POLRMT: variants seen among roughly 807,000 people sequenced by gnomAD.
POLRMT encodes the protein RNA polymerase mitochondrial.
POLRMT carries 114 observed loss-of-function variants against 132.2 expected under a neutral mutation model. The ratio of observed to expected loss-of-function variants is 0.86; its 90% CI spans 0.74 to 1.01. The LOEUF is 1.01. Ranked by LOEUF, POLRMT falls within the 50% of genes least tolerant of loss-of-function variation. The pLI is 0.00. For synonymous variants in POLRMT, 1,020 were observed against 773.4 expected, an observed-to-expected ratio of 1.32 and a Z score of -5.29; for missense variants, 2,003 against 1,729.1, an observed-to-expected ratio of 1.16 and a Z score of -2.81.
rs550610933 is a variant in POLRMT, at chr19:621,514, C to G, written c.2184G>C (p.Gln728His). ...CGGAGGGCGGGGCCGGCACGCCTAG[C>G]TGGGGGCAGCCCTTGGCCTGGAAGA... ...LQLFQAKGCP[Q>H]LGVPAPPSEA... Residue 728 changes from glutamine to histidine, a missense_variant, in exon 10 of 21, where the codon CAG (glutamine) becomes CAC (histidine). Gln to His is a conservative substitution (Grantham distance 24, BLOSUM62 0). Transcript: ENST00000588649. The G allele has an allele frequency of 6.5e-6, 9 of 1,386,882 alleles. No homozygotes were observed. In the African/African-American group the frequency reaches 9.2e-5, roughly 14 times the overall value. The allele number at this position is 1,386,882 out of a possible 1,614,324, so 85.9% of individuals were successfully genotyped here.
Position 621,444 on chromosome 19 carries a change from G to T in POLRMT, c.2254C>A (p.Pro752Thr), listed in dbSNP as rs762790779. ...PEAHLPHSAA[P>T]ARKAELRREL... ...CGGCGCAGCTCGGCCTTGCGGGCGG[G>T]CGCGGCGCTGTGCGGCAGGTGGGCC... is the stretch of plus-strand genomic sequence containing the variant. The change falls in exon 10 of 21, where the codon CCC becomes ACC. Residue 752 changes from proline to threonine, a missense_variant. Transcript: ENST00000588649. 94 of 1,413,772 alleles carry T rather than the reference G, an allele frequency of 6.6e-5. No homozygotes were observed. The highest frequency in any genetic ancestry group is 7.9e-5 in the Non-Finnish European group (86 of 1,090,834). 87.6% of individuals were successfully genotyped at this position (1,413,772 alleles called of 1,614,324 possible).
chr19:630,690 C>A (rs1985349794), intron 2 of POLRMT, among the ~76,000 whole-genome samples: 1 of 152,176 alleles, frequency 6.6e-6, no homozygotes, highest in Admixed American at 6.5e-5. Context: ...AAGACCCCCC[C>A]AGCTGGTGGA....
chr19:618,944 G>A lies in POLRMT; in HGVS notation c.3267+53C>T, dbSNP rs540521585. 729 of 1,436,780 alleles carry A rather than the reference G, an allele frequency of 5.1e-4. 1 individual carries two copies. Among genetic ancestry groups the A allele is most frequent in the African/African-American group, 2.2e-3 (157 of 70,578 alleles). The allele number at this position is 1,436,780 out of a possible 1,614,324, so 89.0% of individuals were successfully genotyped here. On this transcript the variant is annotated intron_variant, in intron 15 of 20. Coordinates refer to ENST00000588649, the MANE Select transcript of POLRMT (RefSeq NM_005035.4). ...CGCTGGGGCACTGGTACACTGGGAC[G>A]CTGTTACACTGGGATGGTGGCACAC...
intron 2 of POLRMT, among the ~76,000 whole-genome samples, chr19:630,742 G>C: frequency 6.6e-6 from 1 of 152,200 alleles, no homozygotes; most frequent in East Asian, 1.9e-4. Context: ...GTCTACACCG[G>C]TGGACGCTGA....
intron 5 of POLRMT, 131 bp downstream of exon 5, chr19:624,588 G>C (rs1011637168): frequency 9.6e-7 from 1 of 1,036,336 alleles, no homozygotes; most frequent in South Asian, 1.7e-5. Flanking sequence ...AGAGGAGGAA[G>C]GGAGGAATTC....
chr19:626,898 C>T lies in POLRMT; in HGVS notation c.823-1644G>A, dbSNP rs746117. Among the ~76,000 whole-genome samples the T allele has an allele frequency of 8.0e-4, 117 of 146,728 alleles. 2 individuals carry two copies. Among genetic ancestry groups the T allele is most frequent in the Non-Finnish European group, 1.2e-3 (80 of 66,904 alleles). On this transcript the variant is annotated intron_variant, in intron 3 of 20. Coordinates refer to ENST00000588649, the MANE Select transcript of POLRMT (RefSeq NM_005035.4). ...CTGTCTTAAAATATACACACACACA[C>T]ATATATATATATATATAAAATAACA... is the stretch of plus-strand genomic sequence containing the variant.
At position 632,890 on chromosome 19, in the gene POLRMT, G is replaced by A. The variant is rs1222459643; in HGVS notation, c.137C>T (p.Pro46Leu). The stretch of plus-strand genomic sequence containing the variant: ...CCTGCGGTCTTGGTCTTGCTCCTGG[G>A]GGCTGGCGGACGAGCTCCTCCTGGG... ...CGPRRSSSASPQEQDQDRRKD... is the reference protein window; with the variant it reads ...CGPRRSSSASLQEQDQDRRKD... The change falls in exon 2 of 21, where the codon CCC becomes CTC. Residue 46 changes from proline to leucine, a missense_variant. Coordinates refer to ENST00000588649, the MANE Select transcript of POLRMT (RefSeq NM_005035.4). The A allele has an allele frequency of 1.9e-6, 3 of 1,546,608 alleles. No homozygotes were observed. In the Admixed American group the frequency reaches 5.7e-5, roughly 29 times the overall value.
rs1342769085 is a variant in POLRMT, at chr19:618,778, C to T, written c.3268-18G>A. On this transcript the variant is annotated intron_variant, in intron 15 of 20. Transcript: ENST00000588649. ...CCTATTTGCTAAAAAGGGGAAGGGG[C>T]CGGTGAGTCCCACCCGAGGCCCAGC... The T allele has an allele frequency of 6.3e-7, 1 of 1,583,114 alleles. No homozygotes were observed. The highest frequency in any genetic ancestry group is 1.8e-5 in the Admixed American group (1 of 55,820).
Position 629,611 on chromosome 19 carries a change from C to T in POLRMT, c.751G>A (p.Gly251Ser), listed in dbSNP as rs761922502. 3 of 1,606,454 alleles carry T rather than the reference C, an allele frequency of 1.9e-6. No homozygotes were observed. The highest frequency in any genetic ancestry group is 2.5e-6 in the Non-Finnish European group (3 of 1,177,676). The change falls in exon 3 of 21, where the codon GGC becomes AGC. Residue 251 changes from glycine (G) to serine (S), a missense_variant. Physicochemically the swap from Gly to Ser is moderately conservative, Grantham distance 56 (BLOSUM62 0). Coordinates refer to ENST00000588649, the MANE Select transcript of POLRMT (RefSeq NM_005035.4). ...AGCAGCTTCCGCTTCTGCCGCTGGCCGTGGTGGACGACCAGCAGGTGGTGG... is the reference window on the plus strand; with the variant it reads ...AGCAGCTTCCGCTTCTGCCGCTGGCTGTGGTGGACGACCAGCAGGTGGTGG... ...LAHHLLVVHH[G>S]QRQKRKLLTL...
In POLRMT at chr19:619,725, C is replaced by T; in HGVS notation, c.2927G>A (p.Arg976Gln). Residue 976 changes from arginine (R) to glutamine (Q), a missense_variant, in exon 13 of 21, where the codon CGG (arginine) becomes CAG (glutamine). By Grantham distance (43) the Arg-to-Gln change is conservative (BLOSUM62 1). Transcript: ENST00000588649. ...GAAACCTTCCAGCACCTGTGCCACC[C>T]GCATGCCCCGCTGGGCGTCCTGCCT... The part of the protein sequence containing the change: ...FRRQDAQRGM[R>Q]VAQVLEGFIT... 6 of 1,599,820 alleles carry T rather than the reference C, an allele frequency of 3.8e-6. No homozygotes were observed. Among genetic ancestry groups the T allele is most frequent in the South Asian group, 1.1e-5 (1 of 89,988 alleles).
At chr19:628,518 C>T (rs1011155997) in intron 3 of POLRMT, among the ~76,000 whole-genome samples, 17 of 152,176 alleles carry the variant, frequency 1.1e-4, no homozygotes, top group African/African-American at 3.6e-4. Context: ...TTCTCTACCA[C>T]GAATTGGTCT....
Position 622,852 on chromosome 19 carries a change from T to C in POLRMT, c.1424A>G (p.Asp475Gly), listed in dbSNP as rs968176963. The C allele has an allele frequency of 6.2e-7, 1 of 1,604,610 alleles. No homozygotes were observed. The highest frequency in any genetic ancestry group is 1.7e-5 in the Admixed American group (1 of 59,084). ...GAGCATCCGCACCACCTCGCGCTCG[T>C]CCAGCAGGCACAGGAAGGGGTAAAG... The part of the protein sequence containing the change: ...FSLYPFLCLL[D>G]EREVVRMLLQ... The change falls in exon 7 of 21, where the codon GAC becomes GGC. Residue 475 changes from aspartate (D) to glycine (G), a missense_variant. Asp to Gly is a moderately conservative substitution (Grantham distance 94). Transcript: ENST00000588649.
rs527922669 is a variant in POLRMT at position 629,898 on chromosome 19, G to A, written c.464C>T (p.Ala155Val). ...QMPFQSGEFKALTRRLQVEPR... is the reference protein window; with the variant it reads ...QMPFQSGEFKVLTRRLQVEPR... ...CTCCACCTGCAGGCGCCTGGTCAGC[G>A]CCTTGAACTCCCCGCTCTGGAATGG... The change falls in exon 3 of 21, where the codon GCG (alanine) becomes GTG (valine). Residue 155 changes from alanine (A) to valine (V), a missense_variant. Coordinates refer to ENST00000588649, the MANE Select transcript of POLRMT (RefSeq NM_005035.4). The A allele has an allele frequency of 8.1e-6, 13 of 1,613,132 alleles. No homozygotes were observed. The highest frequency in any genetic ancestry group is 2.2e-5 in the East Asian group (1 of 44,878).
chr19:620,111 A>C (rs1172263044), intron 11 of POLRMT, 31 bp from the exon 12 acceptor site: 54 of 1,534,378 alleles, frequency 3.5e-5, no homozygotes, highest in Non-Finnish European at 4.2e-5. Context: ...GGGAGATGGA[A>C]GCTAGAGAGG....
At chr19:624,622 G>T in intron 5 of POLRMT, 97 bp downstream of exon 5, 1 of 1,369,364 alleles carries the variant, frequency 7.3e-7, no homozygotes, top group Non-Finnish European at 9.9e-7. Context: ...GGTGAGCCCT[G>T]GGCACCGGGG....
chr19:632,459 C>A lies in POLRMT; in HGVS notation c.193+375G>T, dbSNP rs569375466. Among the ~76,000 whole-genome samples the A allele has an allele frequency of 5.9e-4, 90 of 152,236 alleles. 1 individual carries two copies. The highest frequency in any genetic ancestry group is 2.1e-3 in the African/African-American group (88 of 41,524). On this transcript the variant is annotated intron_variant, in intron 2 of 20. Coordinates refer to ENST00000588649, the MANE Select transcript of POLRMT (RefSeq NM_005035.4). ...CCAGTCTCCATTAGGCGCCTACCCC[C>A]CAGAGCCAAGCCAGGACAGCTGAGT...
In POLRMT at chr19:619,687, C is replaced by T; in HGVS notation, c.2965G>A (p.Val989Met). Residue 989 changes from valine (V) to methionine (M), a missense_variant, in exon 13 of 21, where the codon GTG (valine) becomes ATG (methionine). Coordinates refer to ENST00000588649, the MANE Select transcript of POLRMT (RefSeq NM_005035.4). ...ACCGTCATCACCGTCTGCTTCACCA[C>T]CTTGCGGGTGATGAAACCTTCCAGC... ...QVLEGFITRKVVKQTVMTVVY... is the reference protein window; with the variant it reads ...QVLEGFITRKMVKQTVMTVVY... 1.9e-6 allele frequency: 3 copies of T among 1,609,632 alleles called. No homozygotes were observed. The highest frequency in any genetic ancestry group is 2.5e-6 in the Non-Finnish European group (3 of 1,178,924).
rs1433147865 is a variant in POLRMT, at chr19:623,672, C to T, written c.1141-69G>A. 30 of 1,555,222 alleles carry T rather than the reference C, an allele frequency of 1.9e-5. No homozygotes were observed. In the East Asian group the frequency reaches 6.1e-4, roughly 32 times the overall value. ...GACCTGCCCTCCCAGGACCCCGAGA[C>T]AGCATGGGTGCACGCGTTTCTGCGT... On this transcript the variant is annotated intron_variant, in intron 5 of 20. Transcript: ENST00000588649.
At position 619,400 on chromosome 19, in the gene POLRMT, A is replaced by AG. The variant is rs111948168; in HGVS notation, c.3067-105dup. The AG allele has an allele frequency of 3.8e-3, 5,344 of 1,408,082 alleles. 166 individuals are homozygous for AG. The African/African-American group carries it at 0.066, about 17-fold the overall frequency. 87.2% of individuals were successfully genotyped at this position (1,408,082 alleles called of 1,614,324 possible). On this transcript the variant is annotated intron_variant, in intron 13 of 20. Transcript: ENST00000588649. ...TGAGGCCCAAGGCCTAGGGCCTAGCAGGGGGGCAGGGGAATGGGGCCTGGC... is the reference window on the plus strand; with the variant it reads ...TGAGGCCCAAGGCCTAGGGCCTAGCAGGGGGGGCAGGGGAATGGGGCCTGGC...
Sources: gnomAD v4.1 joint callset for allele counts (sites outside exome capture counted in the v4.1 genomes callset) on GRCh38, gnomAD v4.1.1 for gene constraint, MANE v1.5 for transcripts, NCBI Gene and HGNC (gene_info 2026-07-23, HGNC 2026-07-21) for gene names.